The following ARSB variants were observed in gnomAD, a reference collection of about 807,000 sequenced individuals.
ARSB encodes the protein arylsulfatase B.
In ARSB, 41 loss-of-function variants were observed where a neutral mutation model predicts 50.9. The ratio of observed to expected loss-of-function variants is 0.81; its 90% CI spans 0.63 to 1.04. ARSB has a LOEUF of 1.04. Ranked by LOEUF, ARSB falls within the 50% of genes least tolerant of loss-of-function variation. The pLI is 0.00. For synonymous variants in ARSB, 269 were observed against 284.8 expected (o/e 0.94, Z 0.56); for missense variants, 672 against 693.3 (o/e 0.97, Z 0.35).
At chr5:78,928,727 T>C (rs1750179903) in intron 4 of ARSB, among the ~76,000 whole-genome samples, 1 of 152,228 alleles carries the variant, frequency 6.6e-6, no homozygotes, top group African/African-American at 2.4e-5. Context: ...TTTTGAACTT[T>C]AACAAAAATC....
At chr5:78,927,537 G>C (rs2112374827) in intron 4 of ARSB, among the ~76,000 whole-genome samples, 1 of 152,112 alleles carries the variant, frequency 6.6e-6, no homozygotes, top group East Asian at 1.9e-4. Flanking sequence ...TGGGCAGTTT[G>C]GTGTTCTAAC....
At position 78,780,497 on chromosome 5, in the gene ARSB, C is replaced by T. The variant is rs190643827; in HGVS notation, c.1502G>A (p.Arg501His). ...YPHIVTKLLS[R>H]LQFYHKHSVP... Reference sequence around the variant, plus strand: ...TGAGTGTTTATGGTAGAACTGTAGGCGGGACAGGAGCTTTGTGACGATGTG... The same window carrying T: ...TGAGTGTTTATGGTAGAACTGTAGGTGGGACAGGAGCTTTGTGACGATGTG... Residue 501 changes from arginine (R) to histidine (H), a missense_variant, in exon 8 of 8, where the codon CGC (arginine) becomes CAC (histidine). Transcript: ENST00000264914. The T allele has an allele frequency of 5.3e-5, 86 of 1,614,052 alleles. No individual in the cohort carries two copies. The highest frequency in any genetic ancestry group is 8.9e-5 in the East Asian group (4 of 44,878).
intron 4 of ARSB, among the ~76,000 whole-genome samples, chr5:78,919,186 G>A (rs1196355786): frequency 3.3e-5 from 5 of 152,150 alleles, no homozygotes; most frequent in South Asian, 2.1e-4. Flanking sequence ...CTGATGTTCC[G>A]GTGAACCTGT....
At chr5:78,857,819 G>C (rs1746227723) in intron 5 of ARSB, among the ~76,000 whole-genome samples, 2 of 152,208 alleles carry the variant, frequency 1.3e-5, no homozygotes, top group African/African-American at 2.4e-5. Context: ...GGTGAAGTTG[G>C]CAAGTTTTAC....
chr5:78,785,936 TCTA>T (rs1749069297), intron 6 of ARSB, among the ~76,000 whole-genome samples: 1 of 152,236 alleles, frequency 6.6e-6, no homozygotes, highest in Non-Finnish European at 1.5e-5. Flanking sequence ...AACTTTTCCT[TCTA>T]ATCAATAGGG....
At chr5:78,791,696 G>A (rs1371528435) in intron 6 of ARSB, among the ~76,000 whole-genome samples, 1 of 152,260 alleles carries the variant, frequency 6.6e-6, no homozygotes, top group African/African-American at 2.4e-5. Context: ...ATATCCAGAC[G>A]TGCATGTATG....
At chr5:78,951,832 A>G (rs1332718309) in intron 4 of ARSB, among the ~76,000 whole-genome samples, 1 of 152,196 alleles carries the variant, frequency 6.6e-6, no homozygotes, top group East Asian at 1.9e-4. Context: ...ACATTCTATA[A>G]ACTATTCCAG....
intron 4 of ARSB, among the ~76,000 whole-genome samples, chr5:78,896,346 C>T (rs992027393): frequency 2.6e-5 from 4 of 152,108 alleles, no homozygotes; most frequent in Admixed American, 2.0e-4. Flanking sequence ...TCAGCTCCAA[C>T]GCACTGGCTC....
chr5:78,805,878 A>T (rs1464788628), intron 6 of ARSB, among the ~76,000 whole-genome samples: 1 of 152,212 alleles, frequency 6.6e-6, no homozygotes, highest in Non-Finnish European at 1.5e-5. Context: ...GCAGTTATTC[A>T]CTGCTGTGGA....
chr5:78,867,288 G>A lies in ARSB; in HGVS notation c.1142+18296C>T, dbSNP rs866009077. 6.5e-3 allele frequency among the ~76,000 whole-genome samples: 983 copies of A among 151,428 alleles called. 7 individuals are homozygous for A. Among genetic ancestry groups the A allele is most frequent in the Non-Finnish European group, 9.8e-3 (661 of 67,696 alleles). On this transcript the variant is annotated intron_variant, in intron 5 of 7. Transcript: ENST00000264914. ...GCTTGCTTAGGTAAACAAAGCAGCC[G>A]GGAAGCTCGAACTGGGTGGAGCCCA...
At chr5:78,867,613 T>C (rs1368607056) in intron 5 of ARSB, among the ~76,000 whole-genome samples, 1 of 152,196 alleles carries the variant, frequency 6.6e-6, no homozygotes, top group Non-Finnish European at 1.5e-5. Flanking sequence ...GGGTCCTGTC[T>C]GTTAGAAGGA....
At chr5:78,982,252 T>C (rs1752937595) in intron 1 of ARSB, among the ~76,000 whole-genome samples, 1 of 152,242 alleles carries the variant, frequency 6.6e-6, no homozygotes, top group South Asian at 2.1e-4. Context: ...TTCCTTCAAG[T>C]AACTCATTTT....
intron 4 of ARSB, among the ~76,000 whole-genome samples, chr5:78,947,265 A>G (rs1245844736): frequency 4.6e-5 from 7 of 152,194 alleles, no homozygotes; most frequent in Non-Finnish European, 1.5e-5. Flanking sequence ...TAACCAAAGC[A>G]AAAATGGACA....
chr5:78,855,022 A>C (rs1350721809), intron 5 of ARSB, among the ~76,000 whole-genome samples: 1 of 152,178 alleles, frequency 6.6e-6, no homozygotes, highest in Non-Finnish European at 1.5e-5. Flanking sequence ...TCCACTCCCC[A>C]GAGTCAAGGG....
intron 5 of ARSB, among the ~76,000 whole-genome samples, chr5:78,851,770 A>G (rs564239553): frequency 6.3e-4 from 96 of 152,244 alleles, no homozygotes; most frequent in African/African-American, 2.3e-3. Flanking sequence ...TATATTTAGG[A>G]TAGTTAGCTC....
At position 78,780,751 on chromosome 5, in the gene ARSB, T is replaced by C. The variant is rs1748903317; in HGVS notation, c.1337-89A>G. On this transcript the variant is annotated intron_variant, in intron 7 of 7. Coordinates refer to ENST00000264914, the MANE Select transcript of ARSB (RefSeq NM_000046.5). ...AAGGAGTCTGAGGCCAAGGCTGCAC[T>C]GGGTTGTGGGTGTGGAAACATAAAA... is the stretch of plus-strand genomic sequence containing the variant. The C allele has an allele frequency of 3.4e-6, 5 of 1,490,390 alleles. No individual in the cohort carries two copies. The South Asian group carries it at 5.9e-5, about 18-fold the overall frequency. The allele number at this position is 1,490,390 out of a possible 1,614,324, so 92.3% of individuals were successfully genotyped here.
chr5:78,781,779 AGATACTGCCCTGAG>A, intron 7 of ARSB, 59 bp downstream of exon 7: 1 of 1,587,480 alleles, frequency 6.3e-7, no homozygotes. Flanking sequence ...GATAGACTGG[AGATACTGCCCTGAG>A]GACACAGCCC....
chr5:78,954,822 A>C (rs561178714), intron 4 of ARSB, among the ~76,000 whole-genome samples: 2 of 152,314 alleles, frequency 1.3e-5, no homozygotes, highest in Non-Finnish European at 2.9e-5. Flanking sequence ...CAATTTTAAT[A>C]CCAAAAAAAT....
At chr5:78,854,630 C>G (rs532051329) in intron 5 of ARSB, among the ~76,000 whole-genome samples, 19,260 of 152,128 alleles carry the variant, frequency 0.13, 1,386 homozygotes, top group Middle Eastern at 0.21. Flanking sequence ...ACAAGGTTTT[C>G]TCTTGTTTCT....
Sources: gnomAD v4.1 joint callset for allele counts (sites outside exome capture counted in the v4.1 genomes callset) on GRCh38, gnomAD v4.1.1 for gene constraint, MANE v1.5 for transcripts, NCBI Gene and HGNC (gene_info 2026-07-23, HGNC 2026-07-21) for gene names.